Variants in IGF2R observed in about 807,000 individuals in gnomAD.
IGF2R encodes the protein cation-independent mannose-6-phosphate receptor.
IGF2R carries 91 observed loss-of-function variants against 270.6 expected under a neutral mutation model. The ratio of observed to expected loss-of-function variants is 0.34; its 90% CI spans 0.28 to 0.40. The LOEUF (loss-of-function observed/expected upper bound fraction) is 0.40, where lower values mean the gene tolerates loss of function less well. Ranked by LOEUF, IGF2R falls within the 10% of genes least tolerant of loss-of-function variation. The pLI is 1.00. For missense variants in IGF2R, 2,805 were observed against 3,188.3 expected (o/e 0.88, Z 2.90); for synonymous variants, 1,316 against 1,258.9 (o/e 1.05, Z -0.96).
intron 14 of IGF2R, 101 bp downstream of exon 14, chr6:160,045,983 A>G: frequency 1.9e-6 from 2 of 1,049,326 alleles, no homozygotes; most frequent in East Asian, 5.5e-5. Context: ...CCCGCCTTAG[A>G]ATTTTATTCA....
intron 11 of IGF2R, 82 bp downstream of exon 11, chr6:160,040,806 C>T (rs1777929282): frequency 7.0e-7 from 1 of 1,429,506 alleles, no homozygotes; most frequent in South Asian, 1.3e-5. Context: ...AATGCGGTTA[C>T]TATTTTCTTT....
Position 160,059,077 on chromosome 6 carries a change from A to C in IGF2R, c.3070A>C (p.Lys1024Gln). The part of the protein sequence containing the change: ...STEGFITLTY[K>Q]GPLSAKGTAD... ...AGAGGGCTTCATCACTCTGACCTAC[A>C]AAGGGCCTCTCTCTGCCAAAGGTGA... Residue 1024 changes from lysine (K) to glutamine (Q), a missense_variant, in exon 22 of 48, where the codon AAA becomes CAA. Transcript: ENST00000356956. 1 of 1,614,096 alleles carries C rather than the reference A, an allele frequency of 6.2e-7. No homozygotes were observed. Among genetic ancestry groups the C allele is most frequent in the African/African-American group, 1.3e-5 (1 of 75,048 alleles).
chr6:160,073,631 T>C, intron 34 of IGF2R, 126 bp from the exon 35 acceptor site: 1 of 1,064,452 alleles, frequency 9.4e-7, no homozygotes, highest in Non-Finnish European at 1.4e-6. Context: ...TGCTATGTAA[T>C]GAAGCATTTT....
chr6:160,061,985 C>G (rs1282255489), intron 25 of IGF2R, 57 bp downstream of exon 25: 5 of 1,497,262 alleles, frequency 3.3e-6, no homozygotes, highest in African/African-American at 2.8e-5. Flanking sequence ...TTTCCCATTT[C>G]CCTTGAACCT....
intron 1 of IGF2R, among the ~76,000 whole-genome samples, chr6:159,978,816 C>T (rs1196221306): frequency 3.3e-5 from 5 of 152,328 alleles, no homozygotes; most frequent in African/African-American, 1.2e-4. Context: ...GTTCAGCCAG[C>T]TGCAGACCTT....
intron 19 of IGF2R, among the ~76,000 whole-genome samples, chr6:160,056,107 C>G (rs1778311310): frequency 6.6e-6 from 1 of 152,178 alleles, no homozygotes; most frequent in Admixed American, 6.5e-5. Flanking sequence ...TGGCTTCTTG[C>G]ATTCAACTTT....
chr6:160,043,018 C>A (rs962150040), intron 11 of IGF2R, 130 bp from the exon 12 acceptor site: 12 of 911,170 alleles, frequency 1.3e-5, no homozygotes, highest in Non-Finnish European at 2.0e-5. Flanking sequence ...CCAGAAACAG[C>A]GCTGGGGATT....
chr6:160,010,042 A>G (rs1583257421), intron 3 of IGF2R, among the ~76,000 whole-genome samples: 1 of 152,268 alleles, frequency 6.6e-6, no homozygotes, highest in East Asian at 1.9e-4. Context: ...AGAATAAAAT[A>G]TATAGCTCCT....
At position 159,969,366 on chromosome 6, in the gene IGF2R, C is replaced by G; in HGVS notation, c.120C>G (p.Ala40=). 7.8e-7 allele frequency: 1 copy of G among 1,288,482 alleles called. No homozygotes were observed. Among genetic ancestry groups the G allele is most frequent in the Non-Finnish European group, 9.8e-7 (1 of 1,016,870 alleles). The allele number at this position is 1,288,482 out of a possible 1,614,324, so 79.8% of individuals were successfully genotyped here. A position where few individuals can be genotyped will look rare whatever the true frequency, so the allele number is the denominator to read the frequency against. ...LLVAAPGSTQ[A]QAAPFPELCS... ...TCGCTGCCCCGGGGTCCACGCAGGC[C>G]CAGGCCGCCCCGTTCCCCGAGCTGT... The change falls in exon 1 of 48, where the codon GCC becomes GCG. Residue 40 remains alanine, a synonymous_variant. Coordinates refer to ENST00000356956, the MANE Select transcript of IGF2R (RefSeq NM_000876.4).
chr6:159,974,630 T>C (rs1783661297), intron 1 of IGF2R, among the ~76,000 whole-genome samples: 1 of 152,212 alleles, frequency 6.6e-6, no homozygotes, highest in South Asian at 2.1e-4. Flanking sequence ...ATTTTTTGTT[T>C]GGAGGGCTAT....
rs188702002 is a variant in IGF2R at position 160,021,136 on chromosome 6, G to A, written c.514-3436G>A. On this transcript the variant is annotated intron_variant, in intron 4 of 47. Transcript: ENST00000356956. ...ACAATCCCTTTAAGAAGTGAGCAAA[G>A]GACGTGAACAAACATTTCTCTAAAG... Among the ~76,000 whole-genome samples, 539 of 152,134 alleles carry A rather than the reference G, an allele frequency of 3.5e-3. 3 individuals are homozygous for A. Among genetic ancestry groups the A allele is most frequent in the African/African-American group, 0.012 (510 of 41,476 alleles).
chr6:159,971,674 G>T (rs1355676493), intron 1 of IGF2R, among the ~76,000 whole-genome samples: 1 of 152,178 alleles, frequency 6.6e-6, no homozygotes, highest in South Asian at 2.1e-4. Context: ...TTGAGGCAGG[G>T]TCTCACCGCG....
rs1355869543 is a variant in IGF2R, at chr6:160,056,542, C to T, written c.2796+17C>T. ...ACAGACCAGGTACGTGTGCTTTCACCTGGCCCTCGTGCTGAGCTGCCTGCT... is the reference window on the plus strand; with the variant it reads ...ACAGACCAGGTACGTGTGCTTTCACTTGGCCCTCGTGCTGAGCTGCCTGCT... On this transcript the variant is annotated intron_variant, in intron 20 of 47. Coordinates refer to ENST00000356956, the MANE Select transcript of IGF2R (RefSeq NM_000876.4). 1.3e-6 allele frequency: 2 copies of T among 1,547,804 alleles called. No homozygotes were observed. The highest frequency in any genetic ancestry group is 1.7e-5 in the Admixed American group (1 of 59,946).
At chr6:160,090,144 TC>T in intron 44 of IGF2R, 41 bp downstream of exon 44, 1 of 1,387,852 alleles carries the variant, frequency 7.2e-7, no homozygotes, top group South Asian at 1.6e-5. Context: ...TTTAACTTCC[TC>T]CAAGGAAGGG....
At chr6:159,992,600 A>T (rs1783995999) in intron 2 of IGF2R, among the ~76,000 whole-genome samples, 1 of 70,778 alleles carries the variant, frequency 1.4e-5, no homozygotes, top group African/African-American at 6.6e-5. Flanking sequence ...GAATGAAATC[A>T]CACACACACA....
rs369937775 is a variant in IGF2R at position 160,035,313 on chromosome 6, G to T, written c.1315+791G>T. ...CGTGTGTTCTGTGTGTTTTTCTACA[G>T]CAGAGCTTTGGGTGGCTTGGTTACA... On this transcript the variant is annotated intron_variant, in intron 10 of 47. Coordinates refer to ENST00000356956, the MANE Select transcript of IGF2R (RefSeq NM_000876.4). Among the ~76,000 whole-genome samples the T allele has an allele frequency of 2.6e-5, 4 of 152,326 alleles. No homozygotes were observed. In the East Asian group the frequency reaches 7.7e-4, roughly 29 times the overall value.
rs368727465 is a variant in IGF2R, at chr6:160,078,341, C to G, written c.5457C>G (p.Ser1819Arg). ...TCCTCTACAGCTTCAACTTGTCCAGCCTTTCCACGAGCACCTTTAAGGTAA... is the reference window on the plus strand; with the variant it reads ...TCCTCTACAGCTTCAACTTGTCCAGGCTTTCCACGAGCACCTTTAAGGTAA... ...EQLLYSFNLS[S>R]LSTSTFKVTR... Residue 1819 changes from serine to arginine, a missense_variant, in exon 37 of 48, where the codon AGC becomes AGG. Ser to Arg is a moderately radical substitution (Grantham distance 110). Around this residue, in one of 2 missense-constraint regions of IGF2R, gnomAD observed 1,851 missense variants for 2,207.2 expected, o/e 0.84. Coordinates refer to ENST00000356956, the MANE Select transcript of IGF2R (RefSeq NM_000876.4). 3.0e-5 allele frequency: 49 copies of G among 1,614,142 alleles called. No individual in the cohort carries two copies. The African/African-American group carries it at 4.8e-4, about 16-fold the overall frequency.
rs1206961843 is a variant in IGF2R at position 160,079,486 on chromosome 6, C to A, written c.5479-94C>A. 6.6e-5 allele frequency: 57 copies of A among 863,482 alleles called. No individual in the cohort carries two copies. In the East Asian group the frequency reaches 1.7e-3, roughly 26 times the overall value. The allele number at this position is 863,482 out of a possible 1,614,324, so 53.5% of individuals were successfully genotyped here. ...GGAGTCTTTGCTCTTCCTCATGAAC[C>A]TGCCTCCAGCATCAGCTGCAATAGT... On this transcript the variant is annotated intron_variant, in intron 37 of 47. Coordinates refer to ENST00000356956, the MANE Select transcript of IGF2R (RefSeq NM_000876.4).
At chr6:160,093,864 G>A in intron 44 of IGF2R, 1 of 726,940 alleles carries the variant, frequency 1.4e-6, no homozygotes, top group Non-Finnish European at 2.6e-6. Flanking sequence ...AAGCAGCTGG[G>A]CAGTATCGCA....
Sources: allele counts gnomAD v4.1 joint callset (sites outside exome capture counted in the v4.1 genomes callset), GRCh38; gene constraint gnomAD v4.1.1; regional missense constraint gnomAD v4.1.1; transcripts MANE v1.5; gene names NCBI Gene and HGNC (gene_info 2026-07-23, HGNC 2026-07-21).